Variants in MAN2A1 observed in about 807,000 individuals in gnomAD.
MAN2A1 encodes mannosidase alpha class 2A member 1, also known as alpha-mannosidase 2.
Under a neutral mutation model 142.6 loss-of-function variants are expected in MAN2A1, and 76 were observed. The observed-to-expected ratio is 0.53, with a 90% CI of 0.44 to 0.65. The LOEUF is 0.65. MAN2A1 is among the 30% of genes least tolerant of loss of function. The pLI is 0.00. For synonymous variants in MAN2A1, 559 were observed against 473.2 expected (o/e 1.18, Z -2.35); for missense variants, 1,311 against 1,365.1 (o/e 0.96, Z 0.62).
At chr5:109,850,084 T>G (rs1755446087) in intron 19 of MAN2A1, among the ~76,000 whole-genome samples, 1 of 152,198 alleles carries the variant, frequency 6.6e-6, no homozygotes, top group Non-Finnish European at 1.5e-5. Context: ...GCATCTCACC[T>G]TCCTGCAAGT....
In MAN2A1 at chr5:109,855,283, A is replaced by G. The variant is rs1755580144; in HGVS notation, c.3120A>G (p.Ser1040=). The G allele has an allele frequency of 1.2e-6, 2 of 1,602,366 alleles. No homozygotes were observed. Among genetic ancestry groups the G allele is most frequent in the South Asian group, 1.1e-5 (1 of 88,268 alleles). ...ELQGEFSPLQ[S]SLPCDIHLVN... is the part of the protein sequence containing the mutation. ...AAGGTGAATTCTCTCCATTACAGTCATCTTTGCCTTGTGACATTCATCTGG... is the reference window on the plus strand; with the variant it reads ...AAGGTGAATTCTCTCCATTACAGTCGTCTTTGCCTTGTGACATTCATCTGG... Residue 1040 remains serine, a synonymous_variant, in exon 20 of 22, where the codon TCA becomes TCG. Coordinates refer to ENST00000261483, the MANE Select transcript of MAN2A1 (RefSeq NM_002372.4).
At chr5:109,794,805 C>T (rs1465173972) in intron 12 of MAN2A1, among the ~76,000 whole-genome samples, 1 of 152,056 alleles carries the variant, frequency 6.6e-6, no homozygotes, top group Non-Finnish European at 1.5e-5. Context: ...GGATGCTTTT[C>T]TGTTTAAATA....
chr5:109,811,289 C>T (rs1247888525), intron 12 of MAN2A1, among the ~76,000 whole-genome samples: 3 of 151,812 alleles, frequency 2.0e-5, no homozygotes, highest in African/African-American at 2.4e-5. Flanking sequence ...ATTGTTTTGC[C>T]CATCTCATGA....
chr5:109,728,502 C>T (rs1459850558), intron 3 of MAN2A1, among the ~76,000 whole-genome samples: 2 of 151,952 alleles, frequency 1.3e-5, no homozygotes, highest in African/African-American at 4.8e-5. Flanking sequence ...TGGCTGTGTA[C>T]GTTTTTGCTT....
At chr5:109,726,424 GCTAT>G (rs1350614610) in intron 3 of MAN2A1, among the ~76,000 whole-genome samples, 1 of 152,154 alleles carries the variant, frequency 6.6e-6, no homozygotes, top group Non-Finnish European at 1.5e-5. Context: ...GCTGCAAGAG[GCTAT>G]CTTTCAGTTC....
intron 16 of MAN2A1, among the ~76,000 whole-genome samples, chr5:109,825,445 C>T (rs1413948688): frequency 1.3e-5 from 2 of 152,154 alleles, no homozygotes; most frequent in South Asian, 2.1e-4. Flanking sequence ...AAAATTCCAA[C>T]TTCTCAATCA....
chr5:109,742,535 G>A (rs1752297855), intron 4 of MAN2A1, among the ~76,000 whole-genome samples: 1 of 152,088 alleles, frequency 6.6e-6, no homozygotes, highest in Non-Finnish European at 1.5e-5. Flanking sequence ...AGAAATATTT[G>A]ATGTTACATT....
intron 1 of MAN2A1, among the ~76,000 whole-genome samples, chr5:109,707,920 A>G (rs1303179518): frequency 1.3e-5 from 2 of 152,274 alleles, no homozygotes; most frequent in East Asian, 3.9e-4. Context: ...TTTGAAAGCC[A>G]ATTTGAGGCA....
intron 5 of MAN2A1, among the ~76,000 whole-genome samples, chr5:109,764,605 A>G (rs981553905): frequency 6.6e-6 from 1 of 152,146 alleles, no homozygotes; most frequent in East Asian, 1.9e-4. Flanking sequence ...AATATAGTTT[A>G]CACTTTCTCT....
At chr5:109,845,188 G>A (rs1050578723) in intron 17 of MAN2A1, among the ~76,000 whole-genome samples, 5 of 152,078 alleles carry the variant, frequency 3.3e-5, no homozygotes, top group African/African-American at 1.2e-4. Context: ...TGATAATAGG[G>A]TTCTGAGCTT....
At chr5:109,789,571 A>C (rs1332126383) in intron 12 of MAN2A1, 44 bp downstream of exon 12, 8 of 1,385,474 alleles carry the variant, frequency 5.8e-6, no homozygotes, top group South Asian at 2.8e-5. Context: ...TTTCTGGCTT[A>C]ATAGTTTTTG....
Position 109,696,193 on chromosome 5 carries a change from C to T in MAN2A1, c.135+5641C>T, listed in dbSNP as rs1486056161. Among the ~76,000 whole-genome samples the T allele has an allele frequency of 2.6e-5, 4 of 151,996 alleles. 1 individual carries two copies. The highest frequency in any genetic ancestry group is 4.2e-4 in the South Asian group (2 of 4,818). On this transcript the variant is annotated intron_variant, in intron 1 of 21. Coordinates refer to ENST00000261483, the MANE Select transcript of MAN2A1 (RefSeq NM_002372.4). ...TCAGCTCACTGCAATCTCCACCTCC[C>T]GGGTTCAAGCGATTCTCCTGCCTCA...
rs1010623878 is a variant in MAN2A1 at position 109,784,997 on chromosome 5, G to C, written c.1760+71G>C. The C allele has an allele frequency of 5.0e-6, 6 of 1,191,424 alleles. No individual in the cohort carries two copies. The East Asian group carries it at 7.7e-5, about 15-fold the overall frequency. 73.8% of individuals were successfully genotyped at this position (1,191,424 alleles called of 1,614,324 possible). A position where few individuals can be genotyped will look rare whatever the true frequency, so the allele number is the denominator to read the frequency against. On this transcript the variant is annotated intron_variant, in intron 10 of 21. Coordinates refer to ENST00000261483, the MANE Select transcript of MAN2A1 (RefSeq NM_002372.4). Reference sequence around the variant, plus strand: ...TATGGGTAATAAGATTATATCTTTTGGTGAAGTTGTTAGTGTATATCAAAC... The same window carrying C: ...TATGGGTAATAAGATTATATCTTTTCGTGAAGTTGTTAGTGTATATCAAAC...
intron 4 of MAN2A1, among the ~76,000 whole-genome samples, chr5:109,731,540 T>G (rs1413304929): frequency 1.8e-5 from 2 of 110,580 alleles, no homozygotes; most frequent in Non-Finnish European, 1.7e-5. Context: ...GTCCCCAGAG[T>G]GTGATGTTCC....
chr5:109,842,417 A>G lies in MAN2A1; in HGVS notation c.2656A>G (p.Ile886Val). Residue 886 changes from isoleucine (I) to valine (V), a missense_variant, in exon 17 of 22, where the codon ATA becomes GTA. Coordinates refer to ENST00000261483, the MANE Select transcript of MAN2A1 (RefSeq NM_002372.4). ...REIAMKISSD[I>V]KSQNRFYTDL... ...GATTGCAATGAAAATTTCTTCTGAT[A>G]TAAAAAGCCAAAATAGATTTTATAC... 2.5e-6 allele frequency: 4 copies of G among 1,587,530 alleles called. No homozygotes were observed. The highest frequency in any genetic ancestry group is 3.5e-6 in the Non-Finnish European group (4 of 1,157,896).
At chr5:109,826,222 T>C (rs67997427) in intron 16 of MAN2A1, among the ~76,000 whole-genome samples, 4 of 151,912 alleles carry the variant, frequency 2.6e-5, no homozygotes, top group African/African-American at 9.7e-5. Flanking sequence ...TCTTTTTTCA[T>C]GTGTTTCCTT....
intron 16 of MAN2A1, among the ~76,000 whole-genome samples, chr5:109,828,068 G>A (rs1346777333): frequency 6.7e-6 from 1 of 148,568 alleles, no homozygotes; most frequent in East Asian, 2.0e-4. Flanking sequence ...TAGCGCCACT[G>A]TACTCCAACC....
At chr5:109,825,900 CTTTTTTTTTTTTTT>C (rs869069525) in intron 16 of MAN2A1, among the ~76,000 whole-genome samples, 1 of 92,200 alleles carries the variant, frequency 1.1e-5, no homozygotes, top group East Asian at 3.9e-4. Context: ...TCTTTCCTTC[CTTTTTTTTTTTTTT>C]TTTTTTTTTT....
intron 3 of MAN2A1, among the ~76,000 whole-genome samples, chr5:109,725,067 G>A (rs1035896822): frequency 6.6e-6 from 1 of 152,176 alleles, no homozygotes; most frequent in South Asian, 2.1e-4. Flanking sequence ...AGTTTGAGTG[G>A]TATGTGTGCT....
Sources: allele counts gnomAD v4.1 joint callset (sites outside exome capture counted in the v4.1 genomes callset), GRCh38; gene constraint gnomAD v4.1.1; transcripts MANE v1.5; gene names NCBI Gene and HGNC (gene_info 2026-07-23, HGNC 2026-07-21).